CPED1: variants seen among roughly 807,000 people sequenced by gnomAD.
The protein encoded by CPED1 is cadherin like and PC-esterase domain containing 1.
Under a neutral mutation model 128.2 loss-of-function variants are expected in CPED1, and 114 were observed. The observed-to-expected ratio is 0.89, with a 90% CI of 0.76 to 1.04. The LOEUF (loss-of-function observed/expected upper bound fraction) is 1.04. Ranked by LOEUF, CPED1 falls within the 50% of genes least tolerant of loss-of-function variation. The probability of loss-of-function intolerance (pLI) is 0.00; values close to 1 mark genes in which losing one functional copy is unlikely to be tolerated. For missense variants in CPED1, 1,211 were observed against 1,207.1 expected (o/e 1.00, Z -0.05); for synonymous variants, 462 against 426.7 (o/e 1.08, Z -1.02).
At chr7:121,168,978 A>G (rs959326466) in intron 16 of CPED1, among the ~76,000 whole-genome samples, 6 of 152,236 alleles carry the variant, frequency 3.9e-5, no homozygotes, top group Non-Finnish European at 1.5e-5. Flanking sequence ...ACTTTACTGT[A>G]TACATTTATA....
rs776682921 is a variant in CPED1, at chr7:121,267,227, C to G, written c.2646C>G (p.Leu882=). The change falls in exon 21 of 23, where the codon CTC becomes CTG. Residue 882 remains leucine (L), a synonymous_variant. Coordinates refer to ENST00000310396, the MANE Select transcript of CPED1 (RefSeq NM_024913.5). The stretch of plus-strand genomic sequence containing the variant: ...TTATCTCATTCAGGGAAAATTTACT[C>G]AATATCCTAGTGATCATCAAAACTT... ...IHKVLKRENL[L]NILVIIKTLG... is the part of the protein sequence containing the mutation. 6.3e-6 allele frequency: 10 copies of G among 1,576,752 alleles called. No homozygotes were observed. Among genetic ancestry groups the G allele is most frequent in the Non-Finnish European group, 8.7e-6 (10 of 1,153,590 alleles).
intron 2 of CPED1, among the ~76,000 whole-genome samples, chr7:121,006,099 G>C (rs73431851): frequency 0.022 from 3,421 of 152,234 alleles, 76 homozygotes; most frequent in African/African-American, 0.058. Context: ...TATTGTTGTT[G>C]TAATTGCCCC....
chr7:121,276,813 A>AT (rs1792340055), intron 22 of CPED1, among the ~76,000 whole-genome samples: 1 of 152,290 alleles, frequency 6.6e-6, no homozygotes, highest in East Asian at 1.9e-4. Flanking sequence ...TAGAACATAA[A>AT]TCACAAAAGA....
chr7:121,154,086 A>C (rs1032839571), intron 16 of CPED1, among the ~76,000 whole-genome samples: 2 of 152,230 alleles, frequency 1.3e-5, no homozygotes, highest in African/African-American at 4.8e-5. Context: ...TTAAATCAAA[A>C]CTACATAGAA....
chr7:121,162,593 T>C (rs750015623), intron 16 of CPED1, among the ~76,000 whole-genome samples: 9 of 152,214 alleles, frequency 5.9e-5, no homozygotes, highest in Non-Finnish European at 1.0e-4. Flanking sequence ...TTGATTTGTT[T>C]TTTAAAATAA....
intron 18 of CPED1, among the ~76,000 whole-genome samples, chr7:121,253,977 A>T (rs1028877485): frequency 4.6e-5 from 7 of 152,004 alleles, no homozygotes; most frequent in African/African-American, 1.7e-4. Flanking sequence ...AGACTTTAAC[A>T]CCCCACTGAC....
chr7:121,022,926 G>GA (rs1007869789), intron 3 of CPED1, among the ~76,000 whole-genome samples: 2 of 149,870 alleles, frequency 1.3e-5, no homozygotes, highest in Non-Finnish European at 3.0e-5. Context: ...TACTTCTCTA[G>GA]AAAAAAAAGA....
At chr7:121,100,156 G>A (rs1794814420) in intron 7 of CPED1, 62 bp downstream of exon 7, 2 of 1,476,624 alleles carry the variant, frequency 1.4e-6, no homozygotes, top group Admixed American at 1.9e-5. Flanking sequence ...AAAGTGAGTT[G>A]GGCTGCCATT....
chr7:121,100,470 C>A (rs897387233), intron 7 of CPED1, among the ~76,000 whole-genome samples: 1 of 152,096 alleles, frequency 6.6e-6, no homozygotes, highest in African/African-American at 2.4e-5. Context: ...CTTTTTGCTT[C>A]ACCCTTAGGA....
At chr7:121,219,533 A>T (rs938412015) in intron 16 of CPED1, among the ~76,000 whole-genome samples, 6 of 152,194 alleles carry the variant, frequency 3.9e-5, no homozygotes, top group African/African-American at 1.4e-4. Flanking sequence ...AGTAGAACTA[A>T]TTCATTTGCT....
intron 2 of CPED1, among the ~76,000 whole-genome samples, chr7:120,996,115 C>CA (rs1796399397): frequency 7.0e-6 from 1 of 142,960 alleles, no homozygotes; most frequent in Non-Finnish European, 1.6e-5. Context: ...CCTATCTCCA[C>CA]AAAAAGTTAA....
intron 4 of CPED1, chr7:121,050,863 C>T (rs2908569): frequency 3.4e-5 from 16 of 472,948 alleles, no homozygotes; most frequent in East Asian, 3.2e-4. Flanking sequence ...GCTCTCGGTA[C>T]GATGAGGCCT....
intron 14 of CPED1, among the ~76,000 whole-genome samples, chr7:121,137,170 TATTA>T (rs1795802660): frequency 6.6e-6 from 1 of 151,586 alleles, no homozygotes; most frequent in Admixed American, 6.6e-5. Flanking sequence ...TAATTTATTA[TATTA>T]TTTATTTATT....
intron 16 of CPED1, among the ~76,000 whole-genome samples, chr7:121,166,206 G>T (rs765095069): frequency 6.6e-6 from 1 of 152,110 alleles, no homozygotes; most frequent in Admixed American, 6.5e-5. Context: ...ATTGGGTGTG[G>T]CATCAGAAGA....
intron 7 of CPED1, among the ~76,000 whole-genome samples, chr7:121,121,677 T>C (rs530658466): frequency 2.8e-4 from 42 of 152,356 alleles, no homozygotes; most frequent in Non-Finnish European, 5.7e-4. Flanking sequence ...TTTGAGTTAA[T>C]GGCTTGACTG....
chr7:121,120,156 T>C (rs1209358535), intron 7 of CPED1, among the ~76,000 whole-genome samples: 1 of 152,246 alleles, frequency 6.6e-6, no homozygotes, highest in Non-Finnish European at 1.5e-5. Context: ...TTATGCTGAC[T>C]GTATACCCAG....
At chr7:121,141,591 G>C (rs1267287304) in intron 15 of CPED1, among the ~76,000 whole-genome samples, 1 of 152,000 alleles carries the variant, frequency 6.6e-6, no homozygotes, top group Admixed American at 6.6e-5. Context: ...GACAACCCGG[G>C]TTCCAAACCC....
At chr7:121,289,855 A>G (rs1421445613) in intron 22 of CPED1, among the ~76,000 whole-genome samples, 1 of 152,064 alleles carries the variant, frequency 6.6e-6, no homozygotes, top group Admixed American at 6.5e-5. Flanking sequence ...TATGCAGAAC[A>G]TGCAGGTTTG....
intron 16 of CPED1, among the ~76,000 whole-genome samples, chr7:121,201,389 G>A (rs900065934): frequency 6.6e-6 from 1 of 151,670 alleles, no homozygotes; most frequent in Non-Finnish European, 1.5e-5. Flanking sequence ...CCAAGATCAC[G>A]CCACTGCACT....
Sources: allele counts gnomAD v4.1 joint callset (sites outside exome capture counted in the v4.1 genomes callset), GRCh38; gene constraint gnomAD v4.1.1; transcripts MANE v1.5; gene names NCBI Gene and HGNC (gene_info 2026-07-23, HGNC 2026-07-21).